Variants in ROBO2 observed in about 807,000 individuals in gnomAD.
The protein encoded by ROBO2 is roundabout guidance receptor 2.
In ROBO2, 53 loss-of-function variants were observed where a neutral mutation model predicts 160.8. The ratio of observed to expected loss-of-function variants is 0.33; its 90% CI spans 0.26 to 0.41. ROBO2 has a LOEUF of 0.41. Among genes scored for constraint, ROBO2 ranks in the 10% least tolerant of loss-of-function variants. ROBO2 has a pLI of 1.00. For missense variants in ROBO2, 1,577 were observed against 1,722.4 expected, an observed-to-expected ratio of 0.92 and a Z score of 1.49; for synonymous variants, 664 against 611.7, an observed-to-expected ratio of 1.09 and a Z score of -1.26.
chr3:77,136,767 G>T (rs1440425893), intron 2 of ROBO2, among the ~76,000 whole-genome samples: 1 of 151,656 alleles, frequency 6.6e-6, no homozygotes, highest in African/African-American at 2.4e-5. Context: ...CTCCTGAGTA[G>T]CTGGGACTAC....
chr3:76,452,230 G>C (rs960673413), intron 2 of ROBO2, among the ~76,000 whole-genome samples: 6 of 151,840 alleles, frequency 4.0e-5, no homozygotes, highest in South Asian at 2.1e-4. Context: ...ACAATGTGTA[G>C]GTTACTTACA....
At chr3:76,270,601 T>A (rs140697018) in intron 2 of ROBO2, among the ~76,000 whole-genome samples, 241 of 152,190 alleles carry the variant, frequency 1.6e-3, no homozygotes, top group African/African-American at 5.6e-3. Flanking sequence ...CGTGTTTGAT[T>A]CAACATTTTA....
At chr3:76,489,839 A>ATTTTTG in intron 2 of ROBO2, among the ~76,000 whole-genome samples, 1 of 152,166 alleles carries the variant, frequency 6.6e-6, no homozygotes, top group South Asian at 2.1e-4. Flanking sequence ...TTAATGAGGT[A>ATTTTTG]TTTTTGCACT....
chr3:76,239,714 A>T (rs1705174551), intron 2 of ROBO2, among the ~76,000 whole-genome samples: 1 of 152,144 alleles, frequency 6.6e-6, no homozygotes, highest in Non-Finnish European at 1.5e-5. Context: ...AATTTTTGTA[A>T]CAAAACAATC....
intron 2 of ROBO2, among the ~76,000 whole-genome samples, chr3:76,823,765 A>G (rs371977436): frequency 2.0e-5 from 3 of 152,164 alleles, no homozygotes; most frequent in Non-Finnish European, 4.4e-5. Context: ...TATGACACCA[A>G]TGGAGGAGAA....
intron 2 of ROBO2, among the ~76,000 whole-genome samples, chr3:76,359,224 A>G (rs1441580404): frequency 6.6e-6 from 1 of 151,842 alleles, no homozygotes; most frequent in Non-Finnish European, 1.5e-5. Context: ...ATAGTGCCGC[A>G]ATAAACATAC....
chr3:77,477,830 CT>C (rs11371687), intron 3 of ROBO2, among the ~76,000 whole-genome samples: 1,103 of 84,460 alleles, frequency 0.013, 1 homozygote, highest in Non-Finnish European at 0.014. Context: ...TATTTTAGCT[CT>C]TTTTTTTTTT....
intron 2 of ROBO2, among the ~76,000 whole-genome samples, chr3:77,336,007 G>C (rs1170178232): frequency 6.6e-6 from 1 of 152,194 alleles, no homozygotes. Flanking sequence ...GAAGCCTTAT[G>C]AACAGCCTTT....
chr3:75,982,899 T>G (rs2065315777), intron 2 of ROBO2, among the ~76,000 whole-genome samples: 1 of 151,472 alleles, frequency 6.6e-6, no homozygotes, highest in Non-Finnish European at 1.5e-5. Flanking sequence ...ATGGTTACTC[T>G]GGAAATGATA....
chr3:77,217,971 C>T (rs182769583), intron 2 of ROBO2, among the ~76,000 whole-genome samples: 1 of 152,166 alleles, frequency 6.6e-6, no homozygotes, highest in Non-Finnish European at 1.5e-5. Context: ...TATATGTTTC[C>T]CAGTTTGGAT....
intron 2 of ROBO2, among the ~76,000 whole-genome samples, chr3:76,392,020 G>A (rs958923866): frequency 6.6e-6 from 1 of 152,036 alleles, no homozygotes; most frequent in Non-Finnish European, 1.5e-5. Context: ...ACATATATAT[G>A]AGCATTCTTA....
intron 12 of ROBO2, among the ~76,000 whole-genome samples, chr3:77,566,835 C>A (rs545394996): frequency 6.6e-6 from 1 of 152,074 alleles, no homozygotes; most frequent in African/African-American, 2.4e-5. Context: ...TTTTTGGGTA[C>A]CATACTTTCA....
intron 2 of ROBO2, among the ~76,000 whole-genome samples, chr3:76,622,073 G>T (rs2089133313): frequency 3.1e-5 from 4 of 130,022 alleles, no homozygotes; most frequent in Admixed American, 2.5e-4. Context: ...ATCTATTCTT[G>T]TGGCTCATGT....
chr3:76,999,260 C>T lies in ROBO2; in HGVS notation c.110-98754C>T, dbSNP rs148753393. Among the ~76,000 whole-genome samples the T allele has an allele frequency of 7.0e-4, 106 of 151,952 alleles. 1 individual carries two copies. Among genetic ancestry groups the T allele is most frequent in the African/African-American group, 2.5e-3 (102 of 41,472 alleles). The stretch of plus-strand genomic sequence containing the variant: ...TCTTTACTCAGACTCAGGATTAGTA[C>T]TGTCACCTACAGCCTGGGTGGTTTA... On this transcript the variant is annotated intron_variant, in intron 2 of 26. Transcript: ENST00000487694.
chr3:77,112,072 G>A (rs1238010887), intron 2 of ROBO2, among the ~76,000 whole-genome samples: 1 of 151,662 alleles, frequency 6.6e-6, no homozygotes, highest in African/African-American at 2.4e-5. Context: ...AGTTAGCCGG[G>A]TGTAGCGGTG....
chr3:76,146,347 C>A (rs566356739), intron 2 of ROBO2, among the ~76,000 whole-genome samples: 1 of 152,028 alleles, frequency 6.6e-6, no homozygotes, highest in South Asian at 2.1e-4. Context: ...TTAAAGCATT[C>A]TCTCAGGAAA....
intron 2 of ROBO2, among the ~76,000 whole-genome samples, chr3:76,628,324 A>ACCGCAACCCCAAACT (rs1016759186): frequency 6.6e-6 from 1 of 151,768 alleles, no homozygotes; most frequent in Non-Finnish European, 1.5e-5. Flanking sequence ...ATCACAGCTT[A>ACCGCAACCCCAAACT]CCGCAACCCC....
rs572741961 is a variant in ROBO2, at chr3:76,220,349, A to C, written c.109+282747A>C. Among the ~76,000 whole-genome samples the C allele has an allele frequency of 8.3e-4, 121 of 145,630 alleles. 1 individual carries two copies. In the South Asian group the frequency reaches 0.015, roughly 18 times the overall value. On this transcript the variant is annotated intron_variant, in intron 2 of 26. Coordinates refer to the ROBO2 transcript ENST00000487694. Reference sequence around the variant, plus strand: ...TAATAATAATAATAAAAGAGAAAACAAAAAAAAAACTCGATCCCCAGTATG... The same window carrying C: ...TAATAATAATAATAAAAGAGAAAACCAAAAAAAAACTCGATCCCCAGTATG...
At chr3:76,325,002 G>A (rs2072889822) in intron 2 of ROBO2, among the ~76,000 whole-genome samples, 2 of 152,196 alleles carry the variant, frequency 1.3e-5, no homozygotes, top group South Asian at 2.1e-4. Context: ...CTACTCGGGA[G>A]GCTGAGGCAG....
Sources: allele counts gnomAD v4.1 joint callset (sites outside exome capture counted in the v4.1 genomes callset), GRCh38; gene constraint gnomAD v4.1.1; transcripts MANE v1.5; gene names NCBI Gene and HGNC (gene_info 2026-07-23, HGNC 2026-07-21).